The following NEMP2 variants were observed in gnomAD, a reference collection of about 807,000 sequenced individuals.
The protein encoded by NEMP2 is nuclear envelope integral membrane protein 2.
In NEMP2, 53 loss-of-function variants were observed where a neutral mutation model predicts 54.2. The ratio of observed to expected loss-of-function variants is 0.98; its 90% CI spans 0.78 to 1.23. The LOEUF (loss-of-function observed/expected upper bound fraction) is 1.23, where lower values mean the gene tolerates loss of function less well. Ranked by LOEUF, NEMP2 falls within the 50% of genes most tolerant of loss-of-function variation. NEMP2 has a pLI of 0.00. For synonymous variants in NEMP2, 197 were observed against 190.3 expected, an observed-to-expected ratio of 1.04 and a Z score of -0.29; for missense variants, 455 against 511.3, an observed-to-expected ratio of 0.89 and a Z score of 1.06.
chr2:190,433,601 G>A, the NEMP2 span, among the ~76,000 whole-genome samples: 12 of 152,172 alleles, frequency 7.9e-5, no homozygotes, highest in Non-Finnish European at 1.8e-4. The surrounding 1 kb of genome is among the most constrained non-coding windows in gnomAD (Gnocchi z 4.5). Context: ...TTAATTTTGT[G>A]TTATGTGAAT....
At chr2:190,544,672 TA>T in the NEMP2 span, among the ~76,000 whole-genome samples, 1 of 152,046 alleles carries the variant, frequency 6.6e-6, no homozygotes, top group African/African-American at 2.4e-5. Flanking sequence ...AAAATAGTAT[TA>T]ATGGGAAAAA....
At chr2:190,472,648 G>C in the NEMP2 span, among the ~76,000 whole-genome samples, 1 of 152,208 alleles carries the variant, frequency 6.6e-6, no homozygotes, top group Admixed American at 6.5e-5. Context: ...ATGGAACCAA[G>C]TTGGAAAACA....
the NEMP2 span, chr2:190,608,722 T>G: frequency 6.6e-6 from 1 of 152,312 alleles, no homozygotes; most frequent in African/African-American, 2.4e-5. The surrounding 1 kb of genome is among the most constrained non-coding windows in gnomAD (Gnocchi z 4.9). Context: ...AGAGAGGCTG[T>G]GTCTGCTAAT....
chr2:190,533,995 T>C lies in NEMP2; in HGVS notation c.97+564A>G, dbSNP rs535337530. 18 of 985,350 alleles carry C rather than the reference T, an allele frequency of 1.8e-5. No individual in the cohort carries two copies. The highest frequency in any genetic ancestry group is 9.4e-5 in the South Asian group (2 of 21,280). 61.0% of individuals were successfully genotyped at this position (985,350 alleles called of 1,614,324 possible). On this transcript the variant is annotated intron_variant, in intron 1 of 8. Transcript: ENST00000409150. This position sits in a 1 kb window ranked among gnomAD's most constrained non-coding sequence, Gnocchi z 4.3. ...TGTGCACACGAACACCACAAGAACC[T>C]TGTGAGGCCTCATTACCTGCCGCTC...
chr2:190,515,095 T>C (rs1333983524), intron 6 of NEMP2, among the ~76,000 whole-genome samples: 1 of 152,174 alleles, frequency 6.6e-6, no homozygotes, highest in East Asian at 1.9e-4. Context: ...CTGAATCCAA[T>C]GTTCAGTCTC....
downstream of NEMP2, chr2:190,500,515 A>G (rs1689976956): frequency 2.0e-5 from 7 of 350,748 alleles, no homozygotes; most frequent in Non-Finnish European, 3.7e-5. The surrounding 1 kb of genome is among the most constrained non-coding windows in gnomAD (Gnocchi z 5.3). Flanking sequence ...CCAGTGCAGT[A>G]AGAGTTGAAA....
chr2:190,460,875 A>C, the NEMP2 span, among the ~76,000 whole-genome samples: 27,456 of 152,056 alleles, frequency 0.18, 2,617 homozygotes, highest in East Asian at 0.29. Context: ...TTATAATAGA[A>C]TCTTCTTCAT....
the NEMP2 span, among the ~76,000 whole-genome samples, chr2:190,575,387 TA>T: frequency 1.4e-4 from 21 of 151,386 alleles, no homozygotes; most frequent in Admixed American, 5.9e-4. Flanking sequence ...TACTAAAGGT[TA>T]AAAAAAAAGT....
the NEMP2 span, among the ~76,000 whole-genome samples, chr2:190,646,091 C>G: frequency 6.6e-6 from 1 of 152,184 alleles, no homozygotes; most frequent in Non-Finnish European, 1.5e-5. Context: ...AAAATCACAC[C>G]AGGAGAAACC....
At chr2:190,430,168 A>G in the NEMP2 span, among the ~76,000 whole-genome samples, 2 of 151,184 alleles carry the variant, frequency 1.3e-5, no homozygotes, top group African/African-American at 4.9e-5. Flanking sequence ...CCTGCAAAGG[A>G]CATGAACGCA....
the NEMP2 span, among the ~76,000 whole-genome samples, chr2:190,565,830 T>C: frequency 3.9e-5 from 6 of 152,190 alleles, no homozygotes; most frequent in Non-Finnish European, 7.3e-5. Context: ...CCAGGAGTAT[T>C]TGTGTCCTTA....
Position 190,514,563 on chromosome 2 carries a change from A to C in NEMP2, c.843T>G (p.Val281=). ...GCACGGCCACACCAGCATAGACCAG[A>C]ACCAGGGAGAGGAGTCGCAGCATCC... The part of the protein sequence containing the change: ...LMWMLRLLSL[V]LVYAGVAVPQ... The change falls in exon 7 of 9, where the codon GTT becomes GTG. Residue 281 remains valine, a synonymous_variant. Coordinates refer to ENST00000409150, the MANE Select transcript of NEMP2 (RefSeq NM_001142645.2). The surrounding 1 kb of genome is among the most constrained non-coding windows in gnomAD (Gnocchi z 5.7). The C allele has an allele frequency of 6.4e-7, 1 of 1,551,748 alleles. No individual in the cohort carries two copies. The highest frequency in any genetic ancestry group is 1.2e-5 in the South Asian group (1 of 84,054).
At chr2:190,627,751 A>C in the NEMP2 span, 3 of 152,258 alleles carry the variant, frequency 2.0e-5, no homozygotes, top group Non-Finnish European at 2.9e-5. This position sits in a 1 kb window ranked among gnomAD's most constrained non-coding sequence, Gnocchi z 4.4. Context: ...TGTGCCACCA[A>C]AGAATAGGAA....
the NEMP2 span, among the ~76,000 whole-genome samples, chr2:190,496,678 G>GTA: frequency 0.015 from 2,335 of 151,808 alleles, 60 homozygotes; most frequent in African/African-American, 0.053. This position sits in a 1 kb window ranked among gnomAD's most constrained non-coding sequence, Gnocchi z 4.7. Flanking sequence ...ATGTGTGTGT[G>GTA]TATATACACA....
At chr2:190,423,997 G>A in the NEMP2 span, among the ~76,000 whole-genome samples, 1 of 152,124 alleles carries the variant, frequency 6.6e-6, no homozygotes, top group African/African-American at 2.4e-5. The surrounding 1 kb of genome is among the most constrained non-coding windows in gnomAD (Gnocchi z 4.3). Flanking sequence ...TGGATTGTTT[G>A]TTGAGTTTGG....
chr2:190,627,263 A>G, the NEMP2 span, among the ~76,000 whole-genome samples: 1 of 152,244 alleles, frequency 6.6e-6, no homozygotes, highest in African/African-American at 2.4e-5. The surrounding 1 kb of genome is among the most constrained non-coding windows in gnomAD (Gnocchi z 4.4). Context: ...TTGCTTTATA[A>G]GACTTTTCTT....
chr2:190,432,707 G>A, the NEMP2 span, among the ~76,000 whole-genome samples: 5 of 152,020 alleles, frequency 3.3e-5, no homozygotes, highest in Non-Finnish European at 5.9e-5. Flanking sequence ...GTGAGCCACC[G>A]CACCTGGCCA....
At chr2:190,638,207 G>A in the NEMP2 span, among the ~76,000 whole-genome samples, 2 of 152,160 alleles carry the variant, frequency 1.3e-5, no homozygotes, top group Non-Finnish European at 2.9e-5. The surrounding 1 kb of genome is among the most constrained non-coding windows in gnomAD (Gnocchi z 5.7). Context: ...GCTACATGGG[G>A]AGCCTGGACT....
the NEMP2 span, among the ~76,000 whole-genome samples, chr2:190,634,022 T>C: frequency 0.025 from 3,738 of 152,232 alleles, 157 homozygotes; most frequent in African/African-American, 0.084. The surrounding 1 kb of genome is among the most constrained non-coding windows in gnomAD (Gnocchi z 6.8). Flanking sequence ...CAGTGAGCTA[T>C]GATTGTGCCA....
Sources: gnomAD v4.1 joint callset for allele counts (sites outside exome capture counted in the v4.1 genomes callset) on GRCh38, gnomAD v4.1.1 for gene constraint, Gnocchi (gnomAD v3.1) non-coding constraint, MANE v1.5 for transcripts, NCBI Gene and HGNC (gene_info 2026-07-23, HGNC 2026-07-21) for gene names.